The following PRICKLE2 variants were observed in gnomAD, a reference collection of about 807,000 sequenced individuals.
The protein encoded by PRICKLE2 is prickle-like protein 2.
A neutral mutation model predicts 81.4 loss-of-function variants in PRICKLE2; 21 were observed. The ratio of observed to expected loss-of-function variants is 0.26; its 90% CI spans 0.18 to 0.37. The LOEUF (loss-of-function observed/expected upper bound fraction) is 0.37. Ranked by LOEUF, PRICKLE2 falls within the 10% of genes least tolerant of loss-of-function variation. The pLI, the probability that PRICKLE2 is intolerant of heterozygous loss-of-function variation, is 1.00. For synonymous variants in PRICKLE2, 456 were observed against 421.5 expected, an observed-to-expected ratio of 1.08 and a Z score of -1.00; for missense variants, 940 against 1,109.0, an observed-to-expected ratio of 0.85 and a Z score of 2.16.
At chr3:64,262,184 C>T (rs1322171579) in intron 2 of PRICKLE2, among the ~76,000 whole-genome samples, 2 of 152,206 alleles carry the variant, frequency 1.3e-5, no homozygotes, top group East Asian at 1.9e-4. Context: ...TCTAGTCAGT[C>T]CTCCCTCCCT....
At chr3:64,252,646 A>G (rs3846223) in intron 2 of PRICKLE2, among the ~76,000 whole-genome samples, 25,362 of 152,210 alleles carry the variant, frequency 0.17, 2,107 homozygotes, top group East Asian at 0.2. Flanking sequence ...CCCAGGACGC[A>G]TGACGGTGGG....
chr3:64,142,955 G>A (rs1235238777), intron 7 of PRICKLE2, among the ~76,000 whole-genome samples: 1 of 152,198 alleles, frequency 6.6e-6, no homozygotes, highest in South Asian at 2.1e-4. Flanking sequence ...AAATGATGAA[G>A]GCTTGATCTC....
chr3:64,235,462 T>C (rs1404019774), intron 2 of PRICKLE2, among the ~76,000 whole-genome samples: 1 of 152,180 alleles, frequency 6.6e-6, no homozygotes, highest in East Asian at 1.9e-4. Flanking sequence ...AAATATTTTG[T>C]TGAAAAATGG....
At chr3:64,217,792 G>A (rs956573911) in intron 1 of PRICKLE2, among the ~76,000 whole-genome samples, 3 of 152,186 alleles carry the variant, frequency 2.0e-5, no homozygotes, top group African/African-American at 7.2e-5. Context: ...GGAGACTGGA[G>A]CATGGTGATA....
intron 2 of PRICKLE2, chr3:64,198,577 G>A: frequency 3.1e-6 from 2 of 640,572 alleles, no homozygotes; most frequent in Non-Finnish European, 5.6e-6. Context: ...TGACAATACA[G>A]AATGAATTAG....
intron 2 of PRICKLE2, among the ~76,000 whole-genome samples, chr3:64,245,881 A>T (rs2079342571): frequency 6.6e-6 from 1 of 152,204 alleles, no homozygotes; most frequent in Non-Finnish European, 1.5e-5. Context: ...ATTTCTGCAA[A>T]GATGGGGTTC....
rs1438558014 is a variant in PRICKLE2, at chr3:64,097,751, C to G, written c.*1300G>C. 6.6e-6 allele frequency: 1 copy of G among 152,638 alleles called. No individual in the cohort carries two copies. The highest frequency in any genetic ancestry group is 2.4e-5 in the African/African-American group (1 of 41,446). 9.5% of individuals were successfully genotyped at this position (152,638 alleles called of 1,614,324 possible). ...TACTCTGGTTACTAAGCTGGTTACA[C>G]TGGACTCTTTCTACAATCTCTGGGA... On this transcript the variant is annotated 3_prime_UTR_variant, in exon 8 of 8. Transcript: ENST00000638394.
At chr3:64,239,737 G>A (rs2079234158) in intron 2 of PRICKLE2, among the ~76,000 whole-genome samples, 1 of 152,088 alleles carries the variant, frequency 6.6e-6, no homozygotes, top group African/African-American at 2.4e-5. Context: ...GAGGCTCAGA[G>A]AAATCAAAAT....
chr3:64,180,430 CAT>C (rs2078108512), intron 2 of PRICKLE2, among the ~76,000 whole-genome samples: 1 of 152,168 alleles, frequency 6.6e-6, no homozygotes, highest in Admixed American at 6.5e-5. Context: ...TTTATCTTCC[CAT>C]ACTGAAACTC....
At chr3:64,202,792 C>A (rs2078611198) in intron 1 of PRICKLE2, among the ~76,000 whole-genome samples, 2 of 151,984 alleles carry the variant, frequency 1.3e-5, no homozygotes, top group African/African-American at 4.8e-5. Flanking sequence ...TGGTTAGAAC[C>A]TCCAGTACAA....
chr3:64,256,607 A>C (rs704405), intron 2 of PRICKLE2, among the ~76,000 whole-genome samples: 135,406 of 152,202 alleles, frequency 0.89, 60,582 homozygotes, highest in African/African-American at 0.94. Context: ...ATTAAATCTC[A>C]AAAAAAGCCT....
rs752867961 is a variant in PRICKLE2 at position 64,157,300 on chromosome 3, G to A, written c.462C>T (p.Cys154=). 39 of 1,614,048 alleles carry A rather than the reference G, an allele frequency of 2.4e-5. No individual in the cohort carries two copies. The highest frequency in any genetic ancestry group is 3.1e-5 in the Non-Finnish European group (36 of 1,180,054). Residue 154 remains cysteine, a synonymous_variant, in exon 5 of 8, where the codon TGC becomes TGT. Coordinates refer to ENST00000638394, the MANE Select transcript of PRICKLE2 (RefSeq NM_198859.4). ...TGCATACGAAGCACGGCGGGTGCCA[G>A]CAAACGCCGTGGCCAGCGCGTGACG... ...VFASRAGHGV[C]WHPPCFVCTV...
intron 2 of PRICKLE2, among the ~76,000 whole-genome samples, chr3:64,242,398 C>G (rs1179795479): frequency 1.3e-5 from 2 of 152,280 alleles, no homozygotes; most frequent in South Asian, 2.1e-4. Flanking sequence ...TCCCAACCCC[C>G]TTTCTTCAAC....
Position 64,254,026 on chromosome 3 carries a change from A to G in PRICKLE2, c.129-55059T>C, listed in dbSNP as rs72884334. ...GCCTTCAGATGGATGGAGGTTTGTA[A>G]TAATACAGGTATATGTTTCGGGGCA... On this transcript the variant is annotated intron_variant, in intron 2 of 8. Coordinates refer to the PRICKLE2 transcript ENST00000295902. 7.9e-3 allele frequency among the ~76,000 whole-genome samples: 1,209 copies of G among 152,300 alleles called. 15 individuals carry two copies. The highest frequency in any genetic ancestry group is 0.027 in the African/African-American group (1,121 of 41,554).
intron 7 of PRICKLE2, among the ~76,000 whole-genome samples, chr3:64,110,052 A>G (rs1251611682): frequency 2.0e-5 from 3 of 152,244 alleles, no homozygotes. Flanking sequence ...AGGAAGGGAC[A>G]TCTTCCAGAA....
intron 2 of PRICKLE2, among the ~76,000 whole-genome samples, chr3:64,232,845 C>T (rs770698216): frequency 1.2e-4 from 18 of 152,186 alleles, no homozygotes; most frequent in Non-Finnish European, 2.5e-4. Flanking sequence ...ACACTCCCAA[C>T]GGATGAGAAC....
upstream of PRICKLE2, among the ~76,000 whole-genome samples, chr3:64,225,789 G>T (rs141160754): frequency 6.6e-6 from 1 of 151,928 alleles, no homozygotes; most frequent in Non-Finnish European, 1.5e-5. Flanking sequence ...CAACCTGAGC[G>T]CCTGTTTCAG....
chr3:64,190,300 T>A (rs912995497), intron 2 of PRICKLE2: 1 of 152,184 alleles, frequency 6.6e-6, no homozygotes, highest in African/African-American at 2.4e-5. Flanking sequence ...ATAGGATACA[T>A]TAAGTGAGAA....
intron 7 of PRICKLE2, chr3:64,105,620 A>G (rs1324335754): frequency 1.3e-5 from 2 of 152,198 alleles, no homozygotes; most frequent in Admixed American, 6.5e-5. Flanking sequence ...GGTTTCTCCA[A>G]TTTTAAAGTC....
Sources: allele counts gnomAD v4.1 joint callset (sites outside exome capture counted in the v4.1 genomes callset), GRCh38; gene constraint gnomAD v4.1.1; transcripts MANE v1.5; gene names NCBI Gene and HGNC (gene_info 2026-07-23, HGNC 2026-07-21).